Variants in RAB27B observed in about 807,000 individuals in gnomAD.
RAB27B encodes RAB27B, member RAS oncogene family.
RAB27B carries 15 observed loss-of-function variants against 24.6 expected under a neutral mutation model. That is an observed-to-expected ratio of 0.61 (90% CI 0.41 to 0.94). The LOEUF is 0.94. Among genes scored for constraint, RAB27B ranks in the 40% least tolerant of loss-of-function variants. RAB27B has a pLI of 0.00. For missense variants in RAB27B, 261 were observed against 266.8 expected, an observed-to-expected ratio of 0.98 and a Z score of 0.15; for synonymous variants, 105 against 92.5, an observed-to-expected ratio of 1.14 and a Z score of -0.78.
intron 2 of RAB27B, among the ~76,000 whole-genome samples, chr18:54,725,016 TCTCAGTGAGAG>T (rs1229135442): frequency 2.6e-5 from 4 of 151,540 alleles, no homozygotes; most frequent in African/African-American, 9.7e-5. Flanking sequence ...AATAGTGGAA[TCTCAGTGAGAG>T]CTCAGTGGAC....
At chr18:54,806,549 A>G (rs1227282111) in intron 2 of RAB27B, among the ~76,000 whole-genome samples, 1 of 147,906 alleles carries the variant, frequency 6.8e-6, no homozygotes, top group Non-Finnish European at 1.5e-5. Flanking sequence ...TTATATATAT[A>G]AGCCACAATT....
chr18:54,794,037 A>G lies in RAB27B; in HGVS notation c.-20+75896A>G, dbSNP rs564908958. Among the ~76,000 whole-genome samples, 10 of 152,340 alleles carry G rather than the reference A, an allele frequency of 6.6e-5. No homozygotes were observed. The East Asian group carries it at 1.9e-3, about 29-fold the overall frequency. On this transcript the variant is annotated intron_variant, in intron 2 of 4. Coordinates refer to the RAB27B transcript ENST00000586570. ...AAGGCAGGCTGGCTGGGGGATTAAAATTAGATTGTGGAACCAACCTGATTG... is the reference window on the plus strand; with the variant it reads ...AAGGCAGGCTGGCTGGGGGATTAAAGTTAGATTGTGGAACCAACCTGATTG...
chr18:54,763,282 AT>A (rs1908250637), intron 2 of RAB27B, among the ~76,000 whole-genome samples: 1 of 152,060 alleles, frequency 6.6e-6, no homozygotes, highest in African/African-American at 2.4e-5. Context: ...TAAATTCATC[AT>A]TTTATATATA....
At chr18:54,871,113 A>G (rs551001602) in intron 1 of RAB27B, among the ~76,000 whole-genome samples, 1 of 152,366 alleles carries the variant, frequency 6.6e-6, no homozygotes, top group African/African-American at 2.4e-5. Context: ...GAAACCTTTC[A>G]TATGGGCACT....
chr18:54,735,133 T>C (rs1412209100), intron 2 of RAB27B, among the ~76,000 whole-genome samples: 1 of 152,168 alleles, frequency 6.6e-6, no homozygotes, highest in Non-Finnish European at 1.5e-5. Flanking sequence ...GCAAAAATTA[T>C]TTGCATATCT....
At chr18:54,792,596 G>A (rs1055575677) in intron 2 of RAB27B, among the ~76,000 whole-genome samples, 2 of 152,064 alleles carry the variant, frequency 1.3e-5, no homozygotes, top group African/African-American at 4.8e-5. Context: ...AATAGACCCT[G>A]GTTTTCTAAA....
chr18:54,840,324 G>A lies in RAB27B; in HGVS notation c.-20+11624G>A, dbSNP rs544143987. ...AAGCTAGGAAATCAATGATTTGTTGGCCAGTCTTTCTGATAAATTAATTTC... is the reference window on the plus strand; with the variant it reads ...AAGCTAGGAAATCAATGATTTGTTGACCAGTCTTTCTGATAAATTAATTTC... On this transcript the variant is annotated intron_variant, in intron 1 of 5. Coordinates refer to ENST00000262094, the MANE Select transcript of RAB27B (RefSeq NM_004163.4). Among the ~76,000 whole-genome samples the A allele has an allele frequency of 7.2e-4, 109 of 152,204 alleles. 1 individual carries two copies. Among genetic ancestry groups the A allele is most frequent in the African/African-American group, 2.5e-3 (105 of 41,524 alleles).
At chr18:54,768,465 T>C (rs965966937) in intron 2 of RAB27B, among the ~76,000 whole-genome samples, 4 of 152,212 alleles carry the variant, frequency 2.6e-5, no homozygotes, top group African/African-American at 4.8e-5. Context: ...ATAATTTTCA[T>C]ATGTACTAAA....
upstream of RAB27B, among the ~76,000 whole-genome samples, chr18:54,824,950 G>T (rs1466372536): frequency 6.6e-6 from 1 of 151,986 alleles, no homozygotes; most frequent in Non-Finnish European, 1.5e-5. Context: ...CATTTTTGGG[G>T]TTTCATCTCT....
intron 2 of RAB27B, 93 bp downstream of exon 2, chr18:54,877,831 T>C: frequency 7.7e-7 from 1 of 1,290,502 alleles, no homozygotes; most frequent in South Asian, 1.6e-5. Flanking sequence ...GAGTCTGTCT[T>C]TTGTCACACG....
intron 2 of RAB27B, among the ~76,000 whole-genome samples, chr18:54,758,931 A>G (rs1179706337): frequency 6.6e-6 from 1 of 152,198 alleles, no homozygotes; most frequent in Non-Finnish European, 1.5e-5. Flanking sequence ...GAAGACTTCA[A>G]ACGTCTCTCT....
At chr18:54,746,937 G>A (rs1223246942) in intron 2 of RAB27B, among the ~76,000 whole-genome samples, 1 of 152,066 alleles carries the variant, frequency 6.6e-6, no homozygotes, top group Non-Finnish European at 1.5e-5. Flanking sequence ...AAGAATTCTG[G>A]CTTAGGGGCT....
At chr18:54,741,549 A>G (rs1424734711) in intron 2 of RAB27B, among the ~76,000 whole-genome samples, 1 of 152,036 alleles carries the variant, frequency 6.6e-6, no homozygotes, top group Non-Finnish European at 1.5e-5. Context: ...GTTGGAGTGC[A>G]GTGGTACAAT....
intron 1 of RAB27B, among the ~76,000 whole-genome samples, chr18:54,868,893 A>G (rs1463890273): frequency 2.0e-5 from 3 of 152,222 alleles, no homozygotes; most frequent in African/African-American, 7.2e-5. Context: ...GGCTATCAGC[A>G]TTTAAAAATG....
Position 54,733,661 on chromosome 18 carries a change from C to G in RAB27B, c.-20+15520C>G, listed in dbSNP as rs990171258. Among the ~76,000 whole-genome samples the G allele has an allele frequency of 2.1e-4, 28 of 131,416 alleles. 4 individuals carry two copies. The highest frequency in any genetic ancestry group is 8.4e-4 in the African/African-American group (27 of 32,182). The allele number at this position is 131,416 out of a possible 152,430, so 86.2% of individuals were successfully genotyped here. On this transcript the variant is annotated intron_variant, in intron 2 of 4. Transcript: ENST00000586570. ...TCTTCTGTTCTAGAGCCCCCCCCCC[C>G]CAAATTTGCTAAGCTCCTTGGCCTT...
chr18:54,820,440 A>G (rs1910269499), intron 2 of RAB27B, among the ~76,000 whole-genome samples: 1 of 152,148 alleles, frequency 6.6e-6, no homozygotes, highest in Non-Finnish European at 1.5e-5. Context: ...GTTTGTTCAT[A>G]TCGTTTGCCC....
At chr18:54,724,013 G>A (rs760071060) in intron 2 of RAB27B, among the ~76,000 whole-genome samples, 1 of 143,854 alleles carries the variant, frequency 7.0e-6, no homozygotes, top group African/African-American at 2.5e-5. Context: ...TGGCCAAAAT[G>A]TGTGCTCTTT....
chr18:54,788,302 TGTTGTG>T (rs1403187916), intron 2 of RAB27B, among the ~76,000 whole-genome samples: 2 of 152,180 alleles, frequency 1.3e-5, no homozygotes, highest in African/African-American at 2.4e-5. Flanking sequence ...TTGTTGTTGT[TGTTGTG>T]GTTGTGGTTG....
intron 2 of RAB27B, among the ~76,000 whole-genome samples, chr18:54,779,232 TTGTAGC>T (rs1908814576): frequency 6.6e-6 from 1 of 152,212 alleles, no homozygotes; most frequent in Non-Finnish European, 1.5e-5. Context: ...CTTCAAAATT[TTGTAGC>T]TGTGGTCCTC....
Sources: allele counts gnomAD v4.1 joint callset (sites outside exome capture counted in the v4.1 genomes callset), GRCh38; gene constraint gnomAD v4.1.1; transcripts MANE v1.5; gene names NCBI Gene and HGNC (gene_info 2026-07-23, HGNC 2026-07-21).